The following CDC27 variants were observed in gnomAD, a reference collection of about 807,000 sequenced individuals.
CDC27 encodes cell division cycle 27.
In CDC27, 27 loss-of-function variants were observed where a neutral mutation model predicts 109.7. The observed-to-expected ratio is 0.25, with a 90% CI of 0.18 to 0.34. The LOEUF is 0.34. CDC27 is among the 10% of genes least tolerant of loss of function. The pLI is 1.00. For missense variants in CDC27, 579 were observed against 960.2 expected (o/e 0.60, Z 5.25); for synonymous variants, 266 against 333.9 (o/e 0.80, Z 2.22).
Position 47,183,055 on chromosome 17 carries a change from T to C in CDC27, c.28-1418A>G, listed in dbSNP as rs966049691. On this transcript the variant is annotated intron_variant, in intron 1 of 18. Coordinates refer to ENST00000066544, the MANE Select transcript of CDC27 (RefSeq NM_001256.6). ...AAAAGAATCTCTCCAAATTAGGATA[T>C]ATATTTAGGAATAAAATTACTGGGT... Among the ~76,000 whole-genome samples the C allele has an allele frequency of 2.6e-5, 4 of 152,332 alleles. No homozygotes were observed. The East Asian group carries it at 7.7e-4, about 29-fold the overall frequency.
At chr17:47,169,845 A>AT in intron 4 of CDC27, 72 bp downstream of exon 4, 1 of 1,304,454 alleles carries the variant, frequency 7.7e-7, no homozygotes, top group East Asian at 2.5e-5. Flanking sequence ...ACTGATCAAC[A>AT]TAGGTTTTTT....
chr17:47,161,309 TA>T (rs1237620692), intron 4 of CDC27, among the ~76,000 whole-genome samples: 1 of 152,052 alleles, frequency 6.6e-6, no homozygotes, highest in East Asian at 1.9e-4. Context: ...ATAATTGTCA[TA>T]AGACTGACAT....
chr17:47,123,814 T>G, intron 17 of CDC27, 72 bp downstream of exon 17: 1 of 1,068,628 alleles, frequency 9.4e-7, no homozygotes, highest in Non-Finnish European at 1.4e-6. Flanking sequence ...CAGGAAGTAT[T>G]ACATTTATTC....
chr17:47,124,550 C>T (rs900185834), intron 16 of CDC27, among the ~76,000 whole-genome samples: 1 of 152,150 alleles, frequency 6.6e-6, no homozygotes, highest in African/African-American at 2.4e-5. Context: ...TACCAAAGTG[C>T]TGGGATTACA....
Position 47,169,943 on chromosome 17 carries a change from A to T in CDC27, c.351T>A (p.Thr117=), listed in dbSNP as rs780992405. 5.0e-6 allele frequency: 8 copies of T among 1,599,220 alleles called. No homozygotes were observed. In the Admixed American group the frequency reaches 1.4e-4, roughly 28 times the overall value. The change falls in exon 4 of 19, where the codon ACT becomes ACA. Residue 117 remains threonine (T), a synonymous_variant. Transcript: ENST00000066544. The stretch of plus-strand genomic sequence containing the variant: ...AATATACATGTCCCAACAATGAAAG[A>T]GTAAAGCAAGCTGAATCACCAAACT... ...VTEFGDSACF[T]LSLLGHVYCK...
chr17:47,137,299 A>T lies in CDC27; in HGVS notation c.1766T>A (p.Phe589Tyr). Reference sequence around the variant, plus strand: ...ATCAACTTGGATAGCTCTCTGGAAGAATTTAATTGCAATATCATGTTCCCG... The same window carrying T: ...ATCAACTTGGATAGCTCTCTGGAAGTATTTAATTGCAATATCATGTTCCCG... ...LQREHDIAIK[F>Y]FQRAIQVDPN... Residue 589 changes from phenylalanine to tyrosine, a missense_variant, in exon 14 of 19, where the codon TTC (phenylalanine) becomes TAC (tyrosine). By Grantham distance (22) the Phe-to-Tyr change is conservative (BLOSUM62 3). This residue lies in a region of CDC27 where 227 missense variants were observed against 363.6 expected (regional missense o/e 0.62). Transcript: ENST00000066544. The T allele has an allele frequency of 6.2e-7, 1 of 1,612,230 alleles. No homozygotes were observed. Among genetic ancestry groups the T allele is most frequent in the Non-Finnish European group, 8.5e-7 (1 of 1,179,346 alleles).
chr17:47,169,844 C>T, intron 4 of CDC27, 73 bp downstream of exon 4: 2 of 1,292,070 alleles, frequency 1.5e-6, no homozygotes, highest in South Asian at 3.2e-5. Context: ...CACTGATCAA[C>T]ATAGGTTTTT....
chr17:47,150,783 A>T (rs1394196920), intron 9 of CDC27, among the ~76,000 whole-genome samples: 1 of 152,228 alleles, frequency 6.6e-6, no homozygotes, highest in East Asian at 1.9e-4. Context: ...CTGTAATCCC[A>T]GCACTTTGGG....
intron 1 of CDC27, among the ~76,000 whole-genome samples, chr17:47,186,976 C>T (rs1763511518): frequency 6.6e-6 from 1 of 152,150 alleles, no homozygotes; most frequent in African/African-American, 2.4e-5. Context: ...AATTCTTTCC[C>T]ATTTGCAGCA....
Position 47,157,388 on chromosome 17 carries a change from T to TAA in CDC27, c.476-5_476-4insTT. 1.3e-6 allele frequency: 2 copies of TAA among 1,532,056 alleles called. No homozygotes were observed. Among genetic ancestry groups the TAA allele is most frequent in the Admixed American group, 2.2e-5 (1 of 44,606 alleles). 94.9% of individuals were successfully genotyped at this position (1,532,056 alleles called of 1,614,324 possible). The stretch of plus-strand genomic sequence containing the variant: ...TGGTCAGGATCTGGCTTTTCACCTG[T>TAA]GAAGACAAAAAAAAAAAAAGTTTGT... On this transcript the variant is annotated splice_region_variant and splice_polypyrimidine_tract_variant and intron_variant, in intron 5 of 18. Transcript: ENST00000066544.
intron 2 of CDC27, among the ~76,000 whole-genome samples, chr17:47,174,105 A>G (rs1005049854): frequency 6.6e-6 from 1 of 152,212 alleles, no homozygotes; most frequent in Non-Finnish European, 1.5e-5. Flanking sequence ...ATAAATAAAT[A>G]AATATAATGA....
At chr17:47,161,151 G>C (rs897046912) in intron 4 of CDC27, 1 of 145,252 alleles carries the variant, frequency 6.9e-6, no homozygotes, top group African/African-American at 2.6e-5. Flanking sequence ...AGCCTCCCAA[G>C]TAGCTGGGAC....
intron 14 of CDC27, among the ~76,000 whole-genome samples, chr17:47,134,487 TTTG>T (rs2062509434): frequency 6.6e-6 from 1 of 151,492 alleles, no homozygotes; most frequent in African/African-American, 2.4e-5. Context: ...TTTTTTTTGT[TTTG>T]TTTTGTTTTG....
In CDC27 at chr17:47,179,412, T is replaced by C. The variant is rs180781315; in HGVS notation, c.103+2150A>G. On this transcript the variant is annotated intron_variant, in intron 2 of 18. Coordinates refer to ENST00000066544, the MANE Select transcript of CDC27 (RefSeq NM_001256.6). The stretch of plus-strand genomic sequence containing the variant: ...TGTAATGGATTAGTGATGCCTACTA[T>C]GGTTGCAAATCAGAGAAGTGGTAAT... 3.4e-4 allele frequency among the ~76,000 whole-genome samples: 52 copies of C among 152,320 alleles called. 1 individual carries two copies. In the East Asian group the frequency reaches 9.6e-3, roughly 28 times the overall value.
intron 2 of CDC27, among the ~76,000 whole-genome samples, chr17:47,178,894 C>T (rs1392595723): frequency 2.6e-5 from 4 of 152,024 alleles, no homozygotes; most frequent in African/African-American, 9.7e-5. Context: ...CCTCCGCCTC[C>T]CGGGTTCAAG....
At chr17:47,139,699 T>C (rs2062735367) in intron 12 of CDC27, 1 of 152,214 alleles carries the variant, frequency 6.6e-6, no homozygotes, top group South Asian at 2.1e-4. Context: ...CTATCAATCC[T>C]ATGGTTATAA....
chr17:47,129,587 G>T, intron 15 of CDC27, 66 bp from the exon 16 acceptor site: 1 of 1,173,622 alleles, frequency 8.5e-7, no homozygotes, highest in Non-Finnish European at 1.2e-6. Context: ...GAGAACCAAC[G>T]TGACTCAAAA....
In CDC27 at chr17:47,152,371, T is replaced by C. The variant is rs115606582; in HGVS notation, c.958-453A>G. ...CTCCTTTGGCACTTGGTAACAGTTC[T>C]AAAGGAGTTCAGAGGAGTAGATTTT... is the stretch of plus-strand genomic sequence containing the variant. On this transcript the variant is annotated intron_variant, in intron 8 of 18. Coordinates refer to ENST00000066544, the MANE Select transcript of CDC27 (RefSeq NM_001256.6). Among the ~76,000 whole-genome samples, 295 of 152,322 alleles carry C rather than the reference T, an allele frequency of 1.9e-3. 1 individual carries two copies. Among genetic ancestry groups the C allele is most frequent in the African/African-American group, 5.3e-3 (221 of 41,584 alleles).
At chr17:47,182,949 C>T (rs2064300781) in intron 1 of CDC27, among the ~76,000 whole-genome samples, 1 of 151,754 alleles carries the variant, frequency 6.6e-6, no homozygotes, top group African/African-American at 2.4e-5. Flanking sequence ...CTGCTTGAGT[C>T]CAGGAGTTCA....
Sources: gnomAD v4.1 joint callset for allele counts (sites outside exome capture counted in the v4.1 genomes callset) on GRCh38, gnomAD v4.1.1 for gene constraint, gnomAD v4.1.1 regional missense constraint, MANE v1.5 for transcripts, NCBI Gene and HGNC (gene_info 2026-07-23, HGNC 2026-07-21) for gene names.